SEMA6C: variants seen among roughly 807,000 people sequenced by gnomAD.
SEMA6C encodes the protein semaphorin-6C.
Under a neutral mutation model 72.9 loss-of-function variants are expected in SEMA6C, and 37 were observed. The ratio of observed to expected loss-of-function variants is 0.51; its 90% confidence interval spans 0.39 to 0.67. The LOEUF (loss-of-function observed/expected upper bound fraction) is 0.67. Ranked by LOEUF, SEMA6C falls within the 30% of genes least tolerant of loss-of-function variation. The pLI is 0.00. For missense variants in SEMA6C, 1,189 were observed against 1,263.6 expected (o/e 0.94, Z 0.89); for synonymous variants, 578 against 554.1 (o/e 1.04, Z -0.61).
intron 18 of SEMA6C, 30 bp downstream of exon 18, chr1:151,134,371 G>C: frequency 1.3e-6 from 2 of 1,562,614 alleles, no homozygotes; most frequent in African/African-American, 2.7e-5. Flanking sequence ...GCTGAGCAAG[G>C]GAAGGTGAGG....
chr1:151,134,456 G>A lies in SEMA6C; in HGVS notation c.1715-11C>T, dbSNP rs746429213. On this transcript the variant is annotated splice_polypyrimidine_tract_variant and intron_variant, in intron 17 of 18. Transcript: ENST00000368914. ...TCCCAGTAGCTCCATCTATGAAGAA[G>A]GGACAGGGTGAAGATGGGGGGAAAG... 1.2e-6 allele frequency: 2 copies of A among 1,606,026 alleles called. No homozygotes were observed. The highest frequency in any genetic ancestry group is 1.7e-4 in the Middle Eastern group (1 of 6,048).
chr1:151,136,295 C>T, intron 12 of SEMA6C, 132 bp from the exon 13 acceptor site: 2 of 1,470,186 alleles, frequency 1.4e-6, no homozygotes, highest in African/African-American at 1.4e-5. Flanking sequence ...GTAGCACTGT[C>T]CCCTTCCCTG....
In SEMA6C at chr1:151,132,592, G is replaced by A. The variant is rs1242506494; in HGVS notation, c.2685C>T (p.Arg895=). ...YLGRPEGYRG[R]ALKRVDVEKP... ...TCTCGACGTCCACCCTTTTCAGGGC[G>A]CGGCCCCGGTAGCCCTCGGGCCGGC... The change falls in exon 19 of 19, where the codon CGC becomes CGT. Residue 895 remains arginine, a synonymous_variant. Transcript: ENST00000368914. 2.6e-6 allele frequency: 4 copies of A among 1,551,458 alleles called. No homozygotes were observed. Among genetic ancestry groups the A allele is most frequent in the Non-Finnish European group, 2.6e-6 (3 of 1,147,284 alleles).
At position 151,132,396 on chromosome 1, in the gene SEMA6C, G is replaced by A. The variant is rs779245703; in HGVS notation, c.*88C>T. The A allele has an allele frequency of 3.5e-5, 54 of 1,523,226 alleles. No individual in the cohort carries two copies. The highest frequency in any genetic ancestry group is 4.5e-5 in the Non-Finnish European group (51 of 1,133,076). The allele number at this position is 1,523,226 out of a possible 1,614,324, so 94.4% of individuals were successfully genotyped here. On this transcript the variant is annotated 3_prime_UTR_variant, in exon 19 of 19. Transcript: ENST00000368914. ...CGGGAAGGCTGGAGGTGCGGGGCGA[G>A]GGGGCGGTGAAACGTCCTGAAGAGC...
rs912737507 is a variant in SEMA6C, at chr1:151,145,809, G to A, written c.-105+624C>T. 2 of 152,358 alleles carry A rather than the reference G, an allele frequency of 1.3e-5. No individual in the cohort carries two copies. Among genetic ancestry groups the A allele is most frequent in the African/African-American group, 4.8e-5 (2 of 41,476 alleles). The allele number at this position is 152,358 out of a possible 1,614,324, so 9.4% of individuals were successfully genotyped here. A position where few individuals can be genotyped will look rare whatever the true frequency, so the allele number is the denominator to read the frequency against. On this transcript the variant is annotated intron_variant, in intron 1 of 18. Coordinates refer to ENST00000368914, the MANE Select transcript of SEMA6C (RefSeq NM_030913.6). The surrounding 1 kb of genome is among the most constrained non-coding windows in gnomAD (Gnocchi z 4.4). ...CTCAGTGGGGACCGTGGGCTCAGGA[G>A]GCAGTTGCCAGCTCGGATGTCCTCC...
At chr1:151,139,312 G>T in intron 6 of SEMA6C, 113 bp downstream of exon 6, 2 of 878,988 alleles carry the variant, frequency 2.3e-6, no homozygotes, top group Non-Finnish European at 3.8e-6. Context: ...TTCCCCTGTG[G>T]CCTGGGATGG....
chr1:151,143,118 CCCCA>C (rs1418250082), intron 2 of SEMA6C, among the ~76,000 whole-genome samples: 1 of 152,216 alleles, frequency 6.6e-6, no homozygotes, highest in African/African-American at 2.4e-5. Flanking sequence ...CCTCCCAGAC[CCCCA>C]CGGCACCCTG....
chr1:151,139,850 A>C (rs1446440397), intron 4 of SEMA6C, 126 bp downstream of exon 4: 29 of 1,220,756 alleles, frequency 2.4e-5, no homozygotes, highest in Non-Finnish European at 3.2e-5. Flanking sequence ...GGGTCCAAGC[A>C]TGTCCACACC....
At chr1:151,134,998 GTC>G in intron 15 of SEMA6C, 123 bp from the exon 16 acceptor site, 1 of 1,326,264 alleles carries the variant, frequency 7.5e-7, no homozygotes, top group Non-Finnish European at 1.1e-6. Context: ...GTCCACCTCA[GTC>G]TCTCCACACC....
chr1:151,145,596 G>T lies in SEMA6C; in HGVS notation c.-105+837C>A. 1 of 153,254 alleles carries T rather than the reference G, an allele frequency of 6.5e-6. No homozygotes were observed. Among genetic ancestry groups the T allele is most frequent in the South Asian group, 2.0e-4 (1 of 4,882 alleles). The allele number at this position is 153,254 out of a possible 1,614,324, so 9.5% of individuals were successfully genotyped here. On this transcript the variant is annotated intron_variant, in intron 1 of 18. Coordinates refer to ENST00000368914, the MANE Select transcript of SEMA6C (RefSeq NM_030913.6). This position sits in a 1 kb window ranked among gnomAD's most constrained non-coding sequence, Gnocchi z 4.4. ...CACCGGATCCGGGGCTCCGAGGAGGGGCCGGTAGCAGAGTCTGGGCCGGGA... is the reference window on the plus strand; with the variant it reads ...CACCGGATCCGGGGCTCCGAGGAGGTGCCGGTAGCAGAGTCTGGGCCGGGA...
At chr1:151,136,228 C>T (rs1248072184) in intron 12 of SEMA6C, 65 bp from the exon 13 acceptor site, 3 of 1,592,472 alleles carry the variant, frequency 1.9e-6, no homozygotes, top group Non-Finnish European at 2.6e-6. Flanking sequence ...ACCTCTGTGC[C>T]CCCTACTGCT....
chr1:151,139,661 C>T lies in SEMA6C; in HGVS notation c.274G>A (p.Gly92Arg). The change falls in exon 5 of 19, where the codon GGG becomes AGG. Residue 92 changes from glycine to arginine, a missense_variant. Gly to Arg is a moderately radical substitution (Grantham distance 125). Coordinates refer to ENST00000368914, the MANE Select transcript of SEMA6C (RefSeq NM_030913.6). ...ACCTTGTTGGGCACCAGCCCCTCCC[C>T]TTCTTCTTCGGCTTGAAGATCGAAG... The part of the protein sequence containing the change: ...FSFDLQAEEE[G>R]EGLVPNKYLT... 6.2e-7 allele frequency: 1 copy of T among 1,607,260 alleles called. No homozygotes were observed. The highest frequency in any genetic ancestry group is 1.1e-5 in the South Asian group (1 of 90,630).
intron 9 of SEMA6C, 90 bp downstream of exon 9, chr1:151,137,896 A>C (rs1324470041): frequency 1.3e-6 from 2 of 1,582,944 alleles, no homozygotes; most frequent in Non-Finnish European, 1.7e-6. Flanking sequence ...ATACATACAC[A>C]CTACCACACC....
intron 4 of SEMA6C, 114 bp downstream of exon 4, chr1:151,139,862 C>T (rs879234293): frequency 2.0e-5 from 25 of 1,241,102 alleles, no homozygotes; most frequent in African/African-American, 3.0e-5. Flanking sequence ...GTCCACACCC[C>T]GTGGCTTGTG....
At position 151,134,804 on chromosome 1, in the gene SEMA6C, G is replaced by T; in HGVS notation, c.1652C>A (p.Ser551Tyr). Residue 551 changes from serine (S) to tyrosine (Y), a missense_variant, in exon 16 of 19, where the codon TCT becomes TAT. Physicochemically the swap from Ser to Tyr is moderately radical, Grantham distance 144. Transcript: ENST00000368914. Reference sequence around the variant, plus strand: ...CCAAGGACCCATCACTTACCCACCAGATCCCCTGATATCCACACAGCCCCT... The same window carrying T: ...CCAAGGACCCATCACTTACCCACCATATCCCCTGATATCCACACAGCCCCT... ...SSRGCVDIRG[S>Y]GGTDVDQAGN... is the part of the protein sequence containing the mutation. 1.2e-6 allele frequency: 2 copies of T among 1,614,004 alleles called. No individual in the cohort carries two copies. The highest frequency in any genetic ancestry group is 1.3e-5 in the African/African-American group (1 of 75,008).
At position 151,133,307 on chromosome 1, in the gene SEMA6C, A is replaced by G; in HGVS notation, c.1970T>C (p.Leu657Pro). ...RPLSLRSLAR[L>P]HGGGPEPPPP... is the part of the protein sequence containing the mutation. ...CGGGGGCTCTGGGCCCCCACCGTGG[A>G]GCCGGGCCAAACTGCGGAGGGAGAG... The change falls in exon 19 of 19, where the codon CTC becomes CCC. Residue 657 changes from leucine (L) to proline (P), a missense_variant. Leu to Pro is a moderately conservative substitution (Grantham distance 98). Around this residue, in one of 2 missense-constraint regions of SEMA6C, gnomAD observed 721 missense variants for 686.2 expected, o/e 1.05. Transcript: ENST00000368914. The surrounding 1 kb of genome is among the most constrained non-coding windows in gnomAD (Gnocchi z 5.9). 2 of 1,584,956 alleles carry G rather than the reference A, an allele frequency of 1.3e-6. No individual in the cohort carries two copies. The highest frequency in any genetic ancestry group is 1.7e-6 in the Non-Finnish European group (2 of 1,169,342).
At position 151,137,995 on chromosome 1, in the gene SEMA6C, A is replaced by C. The variant is rs1478058326; in HGVS notation, c.658T>G (p.Trp220Gly). The C allele has an allele frequency of 6.2e-7, 1 of 1,613,806 alleles. No homozygotes were observed. Among genetic ancestry groups the C allele is most frequent in the Non-Finnish European group, 8.5e-7 (1 of 1,179,932 alleles). The change falls in exon 9 of 19, where the codon TGG (tryptophan) becomes GGG (glycine). Residue 220 changes from tryptophan to glycine, a missense_variant. By Grantham distance (184) the Trp-to-Gly change is radical. Around this residue, in one of 2 missense-constraint regions of SEMA6C, gnomAD observed 468 missense variants for 577.4 expected, o/e 0.81. Coordinates refer to ENST00000368914, the MANE Select transcript of SEMA6C (RefSeq NM_030913.6). ...CCAGGCCCGCCCTGACCTCGGAGCC[A>C]CTTGGAGTCATACTTGGCGGAGCGG... ...PLRSAKYDSK[W>G]LREPHFVQAL...
At position 151,138,402 on chromosome 1, in the gene SEMA6C, G is replaced by A; in HGVS notation, c.461C>T (p.Thr154Ile). The change falls in exon 8 of 19, where the codon ACT becomes ATT. Residue 154 changes from threonine to isoleucine, a missense_variant. Physicochemically the swap from Thr to Ile is moderately conservative, Grantham distance 89. Coordinates refer to ENST00000368914, the MANE Select transcript of SEMA6C (RefSeq NM_030913.6). Reference protein sequence around the residue: ...FSPVCRSYGITSLQQEGEELS... With the variant: ...FSPVCRSYGIISLQQEGEELS... ...TTCCTCACCCTCCTGCTGCAGCGAA[G>A]TTATCTGAGGGCAGAGGGAGCAGAT... 1.2e-6 allele frequency: 2 copies of A among 1,613,418 alleles called. No individual in the cohort carries two copies. Among genetic ancestry groups the A allele is most frequent in the Non-Finnish European group, 1.7e-6 (2 of 1,179,658 alleles).
Position 151,133,201 on chromosome 1 carries a change from CG to C in SEMA6C, c.2075del (p.Pro692ArgfsTer59). The C allele has an allele frequency of 6.4e-7, 1 of 1,569,138 alleles. No individual in the cohort carries two copies. Reference sequence around the variant, plus strand: ...GGGTGGGCAGGCAGGCCAGCTCCGGCGGGGGCACGCCCTCCGGAGGCGGCAG... The same window carrying C: ...GGGTGGGCAGGCAGGCCAGCTCCGGCGGGGCACGCCCTCCGGAGGCGGCAG... The part of the protein sequence containing the change: ...TFLPPPEGVP[P>X]PELACLPTPE... On this transcript the variant is annotated frameshift_variant, in exon 19 of 19. Transcript: ENST00000368914. LOFTEE classifies it low-confidence loss of function (END_TRUNC). This position sits in a 1 kb window ranked among gnomAD's most constrained non-coding sequence, Gnocchi z 5.9.
Sources: gnomAD v4.1 joint callset for allele counts (sites outside exome capture counted in the v4.1 genomes callset) on GRCh38, gnomAD v4.1.1 for gene constraint, gnomAD v4.1.1 regional missense constraint, Gnocchi (gnomAD v3.1) non-coding constraint, MANE v1.5 for transcripts, NCBI Gene and HGNC (gene_info 2026-07-23, HGNC 2026-07-21) for gene names.